GABRG3: variants seen among roughly 807,000 people sequenced by gnomAD.
The protein encoded by GABRG3 is gamma-aminobutyric acid type A receptor subunit gamma3.
Under a neutral mutation model 48.8 loss-of-function variants are expected in GABRG3, and 25 were observed. The observed-to-expected ratio is 0.51, with a 90% confidence interval of 0.37 to 0.72. The LOEUF (loss-of-function observed/expected upper bound fraction) is 0.72, where lower values mean the gene tolerates loss of function less well. Among genes scored for constraint, GABRG3 ranks in the 30% least tolerant of loss-of-function variants. The probability of loss-of-function intolerance (pLI) is 0.00; values close to 1 mark genes in which losing one functional copy is unlikely to be tolerated. For synonymous variants in GABRG3, 227 were observed against 217.6 expected, an observed-to-expected ratio of 1.04 and a Z score of -0.38; for missense variants, 394 against 577.9, an observed-to-expected ratio of 0.68 and a Z score of 3.26.
At chr15:27,405,686 G>T (rs1340996226) in intron 5 of GABRG3, among the ~76,000 whole-genome samples, 1 of 145,434 alleles carries the variant, frequency 6.9e-6, no homozygotes. Context: ...ATAAATAATG[G>T]TTGATTTTTT....
chr15:27,485,353 A>G (rs575012540), intron 6 of GABRG3, among the ~76,000 whole-genome samples: 1 of 152,340 alleles, frequency 6.6e-6, no homozygotes, highest in Non-Finnish European at 1.5e-5. Context: ...TCTGAATTTC[A>G]AAACTGTGAA....
At chr15:27,453,960 G>C (rs1252779554) in intron 5 of GABRG3, among the ~76,000 whole-genome samples, 1 of 152,060 alleles carries the variant, frequency 6.6e-6, no homozygotes, top group Non-Finnish European at 1.5e-5. Context: ...CCCTTTAACT[G>C]TTTCTCAGCT....
chr15:26,989,810 C>T (rs1452012513), intron 2 of GABRG3, among the ~76,000 whole-genome samples: 1 of 152,132 alleles, frequency 6.6e-6, no homozygotes. Context: ...TGATAACCAT[C>T]CTTCTAGTCT....
intron 3 of GABRG3, among the ~76,000 whole-genome samples, chr15:27,308,581 C>T (rs538047631): frequency 6.9e-6 from 1 of 145,984 alleles, no homozygotes; most frequent in African/African-American, 2.5e-5. Context: ...ATAATGTAAA[C>T]ATACATTTAT....
intron 3 of GABRG3, among the ~76,000 whole-genome samples, chr15:27,297,782 A>G (rs1408322812): frequency 1.3e-5 from 2 of 152,168 alleles, no homozygotes; most frequent in Non-Finnish European, 2.9e-5. Context: ...TAATTGTAAC[A>G]ATGTGTTGAG....
intron 3 of GABRG3, among the ~76,000 whole-genome samples, chr15:27,195,542 G>T (rs972016507): frequency 1.7e-4 from 26 of 152,150 alleles, no homozygotes; most frequent in Non-Finnish European, 2.8e-4. Flanking sequence ...ATGTTGGCCA[G>T]GATAGTCTCA....
chr15:27,401,895 CCTTGAATGAAATCTTAATATGT>C (rs1456345280), intron 5 of GABRG3, among the ~76,000 whole-genome samples: 1 of 152,008 alleles, frequency 6.6e-6, no homozygotes. Flanking sequence ...GTATTCATTC[CCTTGAATGAAATCTTAATATGT>C]CTGTGTCTGC....
intron 3 of GABRG3, among the ~76,000 whole-genome samples, chr15:27,046,165 C>T (rs1896360504): frequency 6.6e-6 from 1 of 152,160 alleles, no homozygotes; most frequent in Non-Finnish European, 1.5e-5. Flanking sequence ...ACGATCTCAG[C>T]TCACCGCAAC....
At chr15:27,375,434 C>T (rs1895562656) in intron 5 of GABRG3, among the ~76,000 whole-genome samples, 2 of 149,824 alleles carry the variant, frequency 1.3e-5, no homozygotes, top group South Asian at 2.1e-4. Context: ...TTGATAAGTC[C>T]CAGCAAAGCA....
In GABRG3 at chr15:27,445,810, A is replaced by G. The variant is rs559326518; in HGVS notation, c.575-34840A>G. 1.7e-3 allele frequency among the ~76,000 whole-genome samples: 258 copies of G among 152,160 alleles called. 4 individuals are homozygous for G. The South Asian group carries it at 0.026, about 15-fold the overall frequency. ...ACCAGTTATGTCCCATTTTGAATTCATATTTGCATATGGTGAGATGAAGTA... is the reference window on the plus strand; with the variant it reads ...ACCAGTTATGTCCCATTTTGAATTCGTATTTGCATATGGTGAGATGAAGTA... On this transcript the variant is annotated intron_variant, in intron 5 of 9. Coordinates refer to ENST00000615808, the MANE Select transcript of GABRG3 (RefSeq NM_033223.5).
chr15:27,506,989 T>C (rs1595799128), intron 6 of GABRG3, among the ~76,000 whole-genome samples: 1 of 152,198 alleles, frequency 6.6e-6, no homozygotes, highest in East Asian at 1.9e-4. Context: ...CTATGCAGTT[T>C]TTACTTGTGT....
chr15:27,396,746 T>G (rs1005577957), intron 5 of GABRG3, among the ~76,000 whole-genome samples: 17 of 152,168 alleles, frequency 1.1e-4, no homozygotes, highest in Non-Finnish European at 2.5e-4. Context: ...TTCCTTCAAC[T>G]GATTAATTGA....
intron 3 of GABRG3, among the ~76,000 whole-genome samples, chr15:27,320,693 G>A (rs1312871013): frequency 6.6e-6 from 1 of 152,116 alleles, no homozygotes; most frequent in African/African-American, 2.4e-5. Context: ...GCAGCCAAAA[G>A]ATGCAGGGCA....
intron 3 of GABRG3, among the ~76,000 whole-genome samples, chr15:27,128,093 G>C (rs1897852685): frequency 6.7e-6 from 1 of 149,056 alleles, no homozygotes; most frequent in Non-Finnish European, 1.5e-5. Flanking sequence ...CAGGGATGGT[G>C]GCTCACGCCT....
chr15:27,023,142 G>A (rs1430417199), intron 2 of GABRG3, among the ~76,000 whole-genome samples: 1 of 152,088 alleles, frequency 6.6e-6, no homozygotes, highest in Non-Finnish European at 1.5e-5. Context: ...GAATGTATGG[G>A]ACTCAGTTCC....
chr15:27,388,341 T>TGGGAGGAAGGAAAGGA (rs1896095759), intron 5 of GABRG3, among the ~76,000 whole-genome samples: 1 of 9,748 alleles, frequency 1.0e-4, no homozygotes, highest in Non-Finnish European at 1.9e-4. Flanking sequence ...GAAGGAAAGG[T>TGGGAGGAAGGAAAGGA]GGGAGGGAGG....
intron 5 of GABRG3, among the ~76,000 whole-genome samples, chr15:27,473,295 G>T (rs1211999158): frequency 2.0e-5 from 3 of 152,050 alleles, no homozygotes; most frequent in Admixed American, 6.6e-5. Context: ...TCTTCTATAG[G>T]ACCCAAATTG....
chr15:27,169,508 G>A (rs912541412), intron 3 of GABRG3, among the ~76,000 whole-genome samples: 4 of 152,162 alleles, frequency 2.6e-5, no homozygotes, highest in Non-Finnish European at 4.4e-5. Context: ...AGTGCCGAAA[G>A]CTATGGGAAC....
chr15:27,530,598 G>A (rs1262734991), intron 9 of GABRG3: 1 of 470,996 alleles, frequency 2.1e-6, no homozygotes, highest in East Asian at 7.0e-5. Flanking sequence ...TGAAATGGAG[G>A]TTTCTCTTGC....
Sources: gnomAD v4.1 joint callset for allele counts (sites outside exome capture counted in the v4.1 genomes callset) on GRCh38, gnomAD v4.1.1 for gene constraint, MANE v1.5 for transcripts, NCBI Gene and HGNC (gene_info 2026-07-23, HGNC 2026-07-21) for gene names.